The following NRXN3 variants were observed in gnomAD, a reference collection of about 807,000 sequenced individuals.
NRXN3 encodes the protein neurexin 3.
In NRXN3, 32 loss-of-function variants were observed where a neutral mutation model predicts 137.6. The ratio of observed to expected loss-of-function variants is 0.23; its 90% CI spans 0.18 to 0.31. NRXN3 has a LOEUF of 0.31. Among genes scored for constraint, NRXN3 ranks in the 10% least tolerant of loss-of-function variants. The pLI, the probability that NRXN3 is intolerant of heterozygous loss-of-function variation, is 1.00. For synonymous variants in NRXN3, 798 were observed against 784.5 expected, an observed-to-expected ratio of 1.02 and a Z score of -0.29; for missense variants, 1,574 against 2,062.5, an observed-to-expected ratio of 0.76 and a Z score of 4.59.
intron 3 of NRXN3, 150 bp downstream of exon 3, chr14:78,278,812 T>C: frequency 1.5e-6 from 1 of 684,182 alleles, no homozygotes; most frequent in South Asian, 1.8e-5. Context: ...ATGCATTGAA[T>C]TAATGGATTT....
chr14:79,093,025 T>C (rs1595881277), intron 15 of NRXN3, among the ~76,000 whole-genome samples: 1 of 152,152 alleles, frequency 6.6e-6, no homozygotes, highest in East Asian at 1.9e-4. Context: ...CACACATTCA[T>C]TTATTCACAC....
intron 15 of NRXN3, among the ~76,000 whole-genome samples, chr14:79,338,196 GGTGTGTGTGTGTGTGTATGTGAGT>G (rs1303332126): frequency 1.4e-5 from 2 of 141,058 alleles, no homozygotes; most frequent in Non-Finnish European, 3.0e-5. Flanking sequence ...AGGCAGCCGG[GGTGTGTGTGTGTGTGTATGTGAGT>G]GTGTGTGTGT....
At chr14:79,174,655 A>T (rs550476137) in intron 15 of NRXN3, among the ~76,000 whole-genome samples, 27 of 151,564 alleles carry the variant, frequency 1.8e-4, no homozygotes, top group African/African-American at 6.5e-4. Context: ...AAGAGGAAAG[A>T]TTAAGTAAAT....
At chr14:79,200,828 A>ATTTTTTTTTTT (rs56194422) in intron 15 of NRXN3, among the ~76,000 whole-genome samples, 1 of 59,052 alleles carries the variant, frequency 1.7e-5, no homozygotes, top group Non-Finnish European at 3.1e-5. Flanking sequence ...TGTGAGCTGT[A>ATTTTTTTTTTT]TTTTTTTTTT....
At chr14:78,654,752 G>A (rs2097772392) in intron 6 of NRXN3, among the ~76,000 whole-genome samples, 1 of 152,138 alleles carries the variant, frequency 6.6e-6, no homozygotes, top group Non-Finnish European at 1.5e-5. Context: ...TCTCATGTTT[G>A]TTCTTGTTGT....
chr14:78,496,589 T>C (rs2153762404), intron 4 of NRXN3, among the ~76,000 whole-genome samples: 1 of 152,254 alleles, frequency 6.6e-6, no homozygotes, highest in East Asian at 1.9e-4. Context: ...CTTCCTTTTG[T>C]AAAGTTTACA....
intron 15 of NRXN3, among the ~76,000 whole-genome samples, chr14:79,099,834 A>G (rs1240340438): frequency 6.6e-6 from 1 of 152,220 alleles, no homozygotes; most frequent in Admixed American, 6.5e-5. Flanking sequence ...GTTTTACACA[A>G]TGCCTGTGCC....
intron 17 of NRXN3, among the ~76,000 whole-genome samples, chr14:79,682,200 A>G (rs1305086568): frequency 6.6e-6 from 1 of 152,024 alleles, no homozygotes; most frequent in Admixed American, 6.5e-5. Context: ...TTAAACTAAG[A>G]TAGATGTGTT....
chr14:78,758,804 GC>G (rs2152969630), intron 8 of NRXN3, among the ~76,000 whole-genome samples: 1 of 152,290 alleles, frequency 6.6e-6, no homozygotes, highest in South Asian at 2.1e-4. Context: ...TTAGCATAAA[GC>G]CTAGAGTGGT....
intron 15 of NRXN3, among the ~76,000 whole-genome samples, chr14:79,274,619 G>C (rs954792677): frequency 4.0e-5 from 5 of 125,540 alleles, no homozygotes; most frequent in African/African-American, 3.4e-5. Flanking sequence ...TTGAGTAAAA[G>C]AGAAAAAAAA....
chr14:78,749,941 G>A (rs1025969085), intron 8 of NRXN3, among the ~76,000 whole-genome samples: 1 of 152,186 alleles, frequency 6.6e-6, no homozygotes, highest in Non-Finnish European at 1.5e-5. Context: ...AAACCCTCAA[G>A]CAATTTTCTC....
intron 19 of NRXN3, among the ~76,000 whole-genome samples, chr14:79,701,763 A>G (rs2098755510): frequency 6.6e-6 from 1 of 152,086 alleles, no homozygotes; most frequent in Non-Finnish European, 1.5e-5. Context: ...AGGAGTAGCA[A>G]TAATTTGCAA....
chr14:79,254,270 C>T (rs2076300875), intron 15 of NRXN3, among the ~76,000 whole-genome samples: 2 of 152,220 alleles, frequency 1.3e-5, no homozygotes, highest in South Asian at 4.2e-4. Context: ...AGTGACAAAC[C>T]AAGAATATTC....
intron 19 of NRXN3, among the ~76,000 whole-genome samples, chr14:79,732,052 T>G (rs2098925766): frequency 6.6e-6 from 1 of 152,128 alleles, no homozygotes; most frequent in Non-Finnish European, 1.5e-5. Context: ...TGAACAAATG[T>G]GCCATGCAAC....
intron 15 of NRXN3, among the ~76,000 whole-genome samples, chr14:79,266,202 T>A (rs928048461): frequency 6.6e-6 from 1 of 152,166 alleles, no homozygotes; most frequent in Non-Finnish European, 1.5e-5. Flanking sequence ...AAAGTGTGAT[T>A]AAAATATGTC....
At chr14:79,609,137 A>G (rs764217567) in intron 16 of NRXN3, among the ~76,000 whole-genome samples, 1 of 151,990 alleles carries the variant, frequency 6.6e-6, no homozygotes, top group Non-Finnish European at 1.5e-5. Context: ...ACTGTGACTC[A>G]TTATGGTGAG....
At chr14:79,201,948 T>A (rs1321081243) in intron 15 of NRXN3, among the ~76,000 whole-genome samples, 1 of 152,230 alleles carries the variant, frequency 6.6e-6, no homozygotes, top group South Asian at 2.1e-4. Context: ...GCTAAAGCCA[T>A]ATAGTTAGTA....
chr14:79,692,183 T>A lies in NRXN3; in HGVS notation c.3627T>A (p.Asp1209Glu), dbSNP rs1227385469. Residue 1209 changes from aspartate to glutamate, a missense_variant, in exon 18 of 21, where the codon GAT becomes GAA. This residue lies in a region of NRXN3 where 133 missense variants were observed against 241.8 expected (regional missense o/e 0.55). Coordinates refer to ENST00000335750, the MANE Select transcript of NRXN3 (RefSeq NM_001330195.2). ...TTTTAAACTTTAAAGGCAACACTGA[T>A]AATGAACGCTTCCAAATGGTAAAAC... is the stretch of plus-strand genomic sequence containing the variant. ...VNEHYPTGNT[D>E]NERFQMVKQK... The A allele has an allele frequency of 2.5e-6, 4 of 1,608,390 alleles. No individual in the cohort carries two copies. The highest frequency in any genetic ancestry group is 2.5e-6 in the Non-Finnish European group (3 of 1,177,364).
At chr14:78,432,202 G>A (rs1464414893) in intron 4 of NRXN3, among the ~76,000 whole-genome samples, 2 of 152,110 alleles carry the variant, frequency 1.3e-5, no homozygotes, top group Non-Finnish European at 2.9e-5. Flanking sequence ...GACTTGCCCT[G>A]CAGAATTTCC....
Sources: gnomAD v4.1 joint callset for allele counts (sites outside exome capture counted in the v4.1 genomes callset) on GRCh38, gnomAD v4.1.1 for gene constraint, gnomAD v4.1.1 regional missense constraint, MANE v1.5 for transcripts, NCBI Gene and HGNC (gene_info 2026-07-23, HGNC 2026-07-21) for gene names.